Variants in RASGRF1 observed in about 807,000 individuals in gnomAD.
RASGRF1 encodes Ras protein specific guanine nucleotide releasing factor 1, also known as ras-specific guanine nucleotide-releasing factor 1.
RASGRF1 carries 40 observed loss-of-function variants against 138.7 expected under a neutral mutation model. The observed-to-expected ratio is 0.29, with a 90% CI of 0.22 to 0.38. The LOEUF is 0.38. Among genes scored for constraint, RASGRF1 ranks in the 10% least tolerant of loss-of-function variants. The pLI, the probability that RASGRF1 is intolerant of heterozygous loss-of-function variation, is 1.00. For synonymous variants in RASGRF1, 614 were observed against 663.2 expected (o/e 0.93, Z 1.14); for missense variants, 1,108 against 1,650.4 (o/e 0.67, Z 5.69).
At position 79,027,638 on chromosome 15, in the gene RASGRF1, A is replaced by T; in HGVS notation, c.1381+103T>A. 1 of 989,030 alleles carries T rather than the reference A, an allele frequency of 1.0e-6. No homozygotes were observed. The highest frequency in any genetic ancestry group is 1.6e-6 in the Non-Finnish European group (1 of 638,962). The allele number at this position is 989,030 out of a possible 1,614,324, so 61.3% of individuals were successfully genotyped here. On this transcript the variant is annotated intron_variant, in intron 9 of 26. Transcript: ENST00000558480. The surrounding 1 kb of genome is among the most constrained non-coding windows in gnomAD (Gnocchi z 4.8). ...TGCAATCACATTGGCAGGTCTTGGC[A>T]TGTGGCAGCCAAACCAACTGGTGGC...
At chr15:78,980,813 C>T in intron 23 of RASGRF1, 114 bp from the exon 24 acceptor site, 1 of 748,358 alleles carries the variant, frequency 1.3e-6, no homozygotes, top group Non-Finnish European at 2.1e-6. Flanking sequence ...AATTGCCTTC[C>T]CTTGGGATCT....
intron 1 of RASGRF1, among the ~76,000 whole-genome samples, chr15:79,077,061 C>T (rs2057842907): frequency 1.3e-5 from 2 of 152,212 alleles, no homozygotes; most frequent in African/African-American, 2.4e-5. Context: ...ATCCGTGCCT[C>T]TTCAGGGATA....
chr15:78,991,999 G>A (rs375809745), intron 20 of RASGRF1, among the ~76,000 whole-genome samples: 2 of 152,120 alleles, frequency 1.3e-5, no homozygotes, highest in South Asian at 2.1e-4. Flanking sequence ...GATGGGCCCC[G>A]CCCTGTTGTG....
rs2057075455 is a variant in RASGRF1, at chr15:79,027,423, C to A, written c.1381+318G>T. Among the ~76,000 whole-genome samples, 1 of 152,190 alleles carries A rather than the reference C, an allele frequency of 6.6e-6. No individual in the cohort carries two copies. Among genetic ancestry groups the A allele is most frequent in the Non-Finnish European group, 1.5e-5 (1 of 68,032 alleles). On this transcript the variant is annotated intron_variant, in intron 9 of 26. Coordinates refer to ENST00000558480, the MANE Select transcript of RASGRF1 (RefSeq NM_001145648.3). The surrounding 1 kb of genome is among the most constrained non-coding windows in gnomAD (Gnocchi z 4.8). ...TTAGCTCCTCATCCCCCGCCCCATACTTTCTCCCCAAAAAGGACATGTCGA... is the reference window on the plus strand; with the variant it reads ...TTAGCTCCTCATCCCCCGCCCCATAATTTCTCCCCAAAAAGGACATGTCGA...
chr15:78,998,530 G>T (rs2056445688), intron 18 of RASGRF1, among the ~76,000 whole-genome samples, 189 bp downstream of exon 18: 1 of 152,214 alleles, frequency 6.6e-6, no homozygotes, highest in Non-Finnish European at 1.5e-5. Context: ...CATGTCCTTT[G>T]TTCCCTCCTA....
Position 79,006,451 on chromosome 15 carries a change from G to A in RASGRF1, c.1827-17C>T, listed in dbSNP as rs138991337. On this transcript the variant is annotated splice_polypyrimidine_tract_variant and intron_variant, in intron 13 of 26. Coordinates refer to ENST00000558480, the MANE Select transcript of RASGRF1 (RefSeq NM_001145648.3). The surrounding 1 kb of genome is among the most constrained non-coding windows in gnomAD (Gnocchi z 4.0). ...GCGTCGGACCTGAGAGGGGAGGAAG[G>A]ATGCAGAGGTGATGTGGGTCTAAAG... is the stretch of plus-strand genomic sequence containing the variant. 0.018 allele frequency: 28,190 copies of A among 1,604,676 alleles called. 331 individuals are homozygous for A. Among genetic ancestry groups the A allele is most frequent in the Non-Finnish European group, 0.022 (25,390 of 1,176,956 alleles).
chr15:79,064,605 T>C, intron 1 of RASGRF1, 79 bp from the exon 2 acceptor site: 1 of 1,365,892 alleles, frequency 7.3e-7, no homozygotes, highest in Non-Finnish European at 1.0e-6. Flanking sequence ...ATCTAGCTGT[T>C]TTGCAAAGTG....
intron 23 of RASGRF1, among the ~76,000 whole-genome samples, chr15:78,983,640 T>C (rs572395059): frequency 1.3e-5 from 2 of 152,350 alleles, no homozygotes; most frequent in South Asian, 4.1e-4. Context: ...CCCCAGACTG[T>C]GGCAAGGGCC....
In RASGRF1 at chr15:79,020,433, G is replaced by A. The variant is rs141861529; in HGVS notation, c.1543-329C>T. Among the ~76,000 whole-genome samples, 8 of 152,310 alleles carry A rather than the reference G, an allele frequency of 5.3e-5. No individual in the cohort carries two copies. The East Asian group carries it at 9.6e-4, about 18-fold the overall frequency. ...GCTTCCACAGCAGCTCCAGGGCATC[G>A]CTTCATAGCCCTAAATCTGCAGAGG... On this transcript the variant is annotated intron_variant, in intron 10 of 26. Transcript: ENST00000558480.
rs753120852 is a variant in RASGRF1, at chr15:78,985,028, C to T, written c.3393G>A (p.Thr1131=). 205 of 1,614,050 alleles carry T rather than the reference C, an allele frequency of 1.3e-4. No individual in the cohort carries two copies. Among genetic ancestry groups the T allele is most frequent in the Non-Finnish European group, 1.6e-4 (186 of 1,180,008 alleles). The change falls in exon 23 of 27, where the codon ACG becomes ACA. Residue 1131 remains threonine (T), a synonymous_variant. Transcript: ENST00000558480. ...GCACCTGCTTAGAGACTTTGAGCCA[C>T]GTCTTTTTGAGCCGGAAGATTGCAC... is the stretch of plus-strand genomic sequence containing the variant. ...NRSAIFRLKK[T]WLKVSKQTKA...
intron 22 of RASGRF1, among the ~76,000 whole-genome samples, chr15:78,988,251 C>T (rs1268417948): frequency 1.3e-5 from 2 of 152,204 alleles, no homozygotes; most frequent in African/African-American, 2.4e-5. Context: ...TGAAGCACAG[C>T]GTCTAGCATG....
intron 11 of RASGRF1, among the ~76,000 whole-genome samples, chr15:79,019,297 G>A (rs980606916): frequency 6.6e-6 from 1 of 152,164 alleles, no homozygotes. Flanking sequence ...AGGGAAATGA[G>A]TGCCAACTTT....
intron 1 of RASGRF1, among the ~76,000 whole-genome samples, chr15:79,086,019 T>C (rs113962107): frequency 0.017 from 2,634 of 152,282 alleles, 79 homozygotes; most frequent in African/African-American, 0.06. Context: ...TCAACTTCAT[T>C]CCAACTCTAG....
intron 26 of RASGRF1, among the ~76,000 whole-genome samples, chr15:78,966,269 C>T (rs2055643289): frequency 7.3e-6 from 1 of 137,872 alleles, no homozygotes; most frequent in African/African-American, 2.7e-5. Flanking sequence ...CAGGATCCCA[C>T]TCTGTTGCCC....
chr15:79,020,276 G>A (rs920616996), intron 10 of RASGRF1, among the ~76,000 whole-genome samples, 172 bp from the exon 11 acceptor site: 1 of 152,234 alleles, frequency 6.6e-6, no homozygotes, highest in African/African-American at 2.4e-5. Context: ...TCAGTGGAAG[G>A]ACTTTATCTT....
intron 3 of RASGRF1, among the ~76,000 whole-genome samples, chr15:79,051,627 TG>T (rs2057431612): frequency 6.6e-6 from 1 of 152,160 alleles, no homozygotes; most frequent in Admixed American, 6.5e-5. Flanking sequence ...GTGCTGGGCT[TG>T]GGGAAGTGGT....
Position 79,032,976 on chromosome 15 carries a change from C to T in RASGRF1, c.959-660G>A, listed in dbSNP as rs1340548840. Among the ~76,000 whole-genome samples the T allele has an allele frequency of 2.0e-5, 3 of 152,238 alleles. No homozygotes were observed. The highest frequency in any genetic ancestry group is 4.4e-5 in the Non-Finnish European group (3 of 68,042). On this transcript the variant is annotated intron_variant, in intron 6 of 26. Transcript: ENST00000558480. The surrounding 1 kb of genome is among the most constrained non-coding windows in gnomAD (Gnocchi z 4.5). ...GTCAGCAGCCGGCCTGGGGCTGGGTCTCCTGACCTCCTGATTCCAGGGATT... is the reference window on the plus strand; with the variant it reads ...GTCAGCAGCCGGCCTGGGGCTGGGTTTCCTGACCTCCTGATTCCAGGGATT...
intron 8 of RASGRF1, among the ~76,000 whole-genome samples, chr15:79,029,697 A>G (rs1412091151): frequency 4.6e-5 from 7 of 152,032 alleles, no homozygotes; most frequent in African/African-American, 1.7e-4. Context: ...TTGGCTATCT[A>G]ATGGCTTCCT....
At chr15:78,995,892 C>T (rs962957185) in intron 19 of RASGRF1, 92 bp from the exon 20 acceptor site, 125 of 1,238,254 alleles carry the variant, frequency 1.0e-4, no homozygotes, top group Middle Eastern at 2.3e-4. Context: ...TCTGCTCTTA[C>T]GCCCCTCTGT....
Sources: allele counts gnomAD v4.1 joint callset (sites outside exome capture counted in the v4.1 genomes callset), GRCh38; gene constraint gnomAD v4.1.1; non-coding constraint Gnocchi (gnomAD v3.1); transcripts MANE v1.5; gene names NCBI Gene and HGNC (gene_info 2026-07-23, HGNC 2026-07-21).